The following NUP98 variants were observed in gnomAD, a reference collection of about 807,000 sequenced individuals.
The protein encoded by NUP98 is nucleoporin 98 and 96 precursor, also known as nuclear pore complex protein Nup98-Nup96.
A neutral mutation model predicts 191.9 loss-of-function variants in NUP98; 26 were observed. The ratio of observed to expected loss-of-function variants is 0.14; its 90% CI spans 0.10 to 0.19. The LOEUF is 0.19. Ranked by LOEUF, NUP98 falls within the 10% of genes least tolerant of loss-of-function variation. The probability of loss-of-function intolerance (pLI) is 1.00; values close to 1 mark genes in which losing one functional copy is unlikely to be tolerated. For synonymous variants in NUP98, 808 were observed against 778.4 expected (o/e 1.04, Z -0.63); for missense variants, 1,941 against 2,178.8 (o/e 0.89, Z 2.17).
At chr11:3,764,006 C>CA (rs1156684765) in intron 8 of NUP98, among the ~76,000 whole-genome samples, 5 of 152,204 alleles carry the variant, frequency 3.3e-5, no homozygotes, top group African/African-American at 1.2e-4. Context: ...AGACACAATT[C>CA]AAACATCATA....
Position 3,692,614 on chromosome 11 carries a change from A to C in NUP98, c.4311+618T>G, listed in dbSNP as rs2078353590. ...CATCTCAAAAAAAAAAAAAGTAAAC[A>C]GACAACCCAAAGGATCTATCAGGGA... On this transcript the variant is annotated intron_variant, in intron 27 of 32. Transcript: ENST00000324932. Among the ~76,000 whole-genome samples, 3 of 151,942 alleles carry C rather than the reference A, an allele frequency of 2.0e-5. No homozygotes were observed. In the South Asian group the frequency reaches 6.2e-4, roughly 32 times the overall value.
Position 3,680,844 on chromosome 11 carries a change from G to A in NUP98, c.4919-1136C>T, listed in dbSNP as rs184388396. 2.5e-3 allele frequency among the ~76,000 whole-genome samples: 385 copies of A among 152,028 alleles called. 1 individual carries two copies. Among genetic ancestry groups the A allele is most frequent in the African/African-American group, 8.8e-3 (364 of 41,484 alleles). Reference sequence around the variant, plus strand: ...ATTACAGGTGTAAGCCACCATGCCCGGACCCAAATGTTCTTTTTTGTTTTT... The same window carrying A: ...ATTACAGGTGTAAGCCACCATGCCCAGACCCAAATGTTCTTTTTTGTTTTT... On this transcript the variant is annotated intron_variant, in intron 30 of 32. Transcript: ENST00000324932.
intron 25 of NUP98, chr11:3,697,392 C>G (rs941347213): frequency 6.6e-6 from 1 of 152,208 alleles, no homozygotes; most frequent in Non-Finnish European, 1.5e-5. Flanking sequence ...CAAAACTCTT[C>G]AAAATAAATC....
intron 17 of NUP98, 127 bp from the exon 18 acceptor site, chr11:3,719,677 C>T (rs1441500804): frequency 1.6e-6 from 1 of 619,524 alleles, no homozygotes; most frequent in African/African-American, 2.0e-5. Flanking sequence ...AATAATTCAG[C>T]AATTCCTAGA....
intron 10 of NUP98, chr11:3,760,266 C>G: frequency 2.1e-6 from 1 of 478,680 alleles, no homozygotes; most frequent in Non-Finnish European, 3.7e-6. Context: ...TATGGTTTCT[C>G]AGCTATTGCT....
chr11:3,718,288 C>T (rs1286552466), intron 18 of NUP98, among the ~76,000 whole-genome samples: 1 of 152,132 alleles, frequency 6.6e-6, no homozygotes, highest in African/African-American at 2.4e-5. Context: ...GTAATCCCAG[C>T]ACTTTGGGAG....
chr11:3,722,936 T>C (rs1234755863), intron 16 of NUP98, among the ~76,000 whole-genome samples: 1 of 152,184 alleles, frequency 6.6e-6, no homozygotes, highest in Non-Finnish European at 1.5e-5. Context: ...CCAGGATAAT[T>C]AAAGATGTAT....
At chr11:3,732,626 T>C (rs1050943913) in intron 13 of NUP98, among the ~76,000 whole-genome samples, 26 of 152,194 alleles carry the variant, frequency 1.7e-4, no homozygotes, top group Non-Finnish European at 2.6e-4. Flanking sequence ...GTACCAGAAA[T>C]AAAGTTACTT....
intron 19 of NUP98, among the ~76,000 whole-genome samples, chr11:3,712,959 TTAAAA>T: frequency 6.6e-6 from 1 of 152,228 alleles, no homozygotes; most frequent in East Asian, 1.9e-4. Flanking sequence ...ATAATATACA[TTAAAA>T]TGTCATTTAA....
At chr11:3,686,807 G>A (rs2078146283) in intron 28 of NUP98, among the ~76,000 whole-genome samples, 1 of 152,112 alleles carries the variant, frequency 6.6e-6, no homozygotes, top group Non-Finnish European at 1.5e-5. Flanking sequence ...CCAAGATGGT[G>A]AAACTCTTGC....
intron 14 of NUP98, among the ~76,000 whole-genome samples, chr11:3,730,407 A>G (rs1212075390): frequency 1.3e-5 from 2 of 150,712 alleles, no homozygotes; most frequent in Non-Finnish European, 3.0e-5. Context: ...CCCAGGCTGG[A>G]GTACAGTGGT....
chr11:3,724,114 TA>T (rs2079518061), intron 15 of NUP98, among the ~76,000 whole-genome samples: 1 of 152,040 alleles, frequency 6.6e-6, no homozygotes, highest in Non-Finnish European at 1.5e-5. Flanking sequence ...GCATAATCTT[TA>T]TATAATAAAA....
chr11:3,718,742 G>C (rs137984738), intron 18 of NUP98, among the ~76,000 whole-genome samples: 195 of 137,354 alleles, frequency 1.4e-3, no homozygotes, highest in African/African-American at 4.3e-3. Context: ...CACTAAAATA[G>C]AGAGTTAAGT....
intron 10 of NUP98, chr11:3,760,191 G>T: frequency 4.0e-6 from 1 of 252,636 alleles, no homozygotes; most frequent in Non-Finnish European, 7.5e-6. Flanking sequence ...ATTATCTTCT[G>T]TATGCTACCA....
intron 1 of NUP98, among the ~76,000 whole-genome samples, chr11:3,788,249 T>A (rs1453701592): frequency 6.6e-6 from 1 of 151,836 alleles, no homozygotes; most frequent in Admixed American, 6.5e-5. Context: ...CCCCTTAACA[T>A]AACCCTAATC....
intron 8 of NUP98, among the ~76,000 whole-genome samples, chr11:3,766,784 T>C (rs2081355108): frequency 6.6e-6 from 1 of 152,196 alleles, no homozygotes; most frequent in African/African-American, 2.4e-5. Flanking sequence ...CTTCTTATTC[T>C]TTCTTCAGTG....
intron 11 of NUP98, among the ~76,000 whole-genome samples, chr11:3,751,598 C>T (rs1227713948): frequency 6.6e-6 from 1 of 152,128 alleles, no homozygotes; most frequent in Non-Finnish European, 1.5e-5. Flanking sequence ...CTGACTCATG[C>T]CTATATTCCC....
At chr11:3,761,990 C>G (rs1226005750) in intron 9 of NUP98, among the ~76,000 whole-genome samples, 1 of 152,062 alleles carries the variant, frequency 6.6e-6, no homozygotes, top group East Asian at 1.9e-4. Context: ...ACTAGAATGT[C>G]TTGAAGCATT....
At chr11:3,755,703 G>A (rs933752616) in intron 10 of NUP98, among the ~76,000 whole-genome samples, 2 of 152,122 alleles carry the variant, frequency 1.3e-5, no homozygotes, top group Admixed American at 6.5e-5. Flanking sequence ...AGTGGCTCAC[G>A]CCTGTAATCC....
Sources: gnomAD v4.1 joint callset for allele counts (sites outside exome capture counted in the v4.1 genomes callset) on GRCh38, gnomAD v4.1.1 for gene constraint, MANE v1.5 for transcripts, NCBI Gene and HGNC (gene_info 2026-07-23, HGNC 2026-07-21) for gene names.